Variants in RASA1 observed in about 807,000 individuals in gnomAD.
The protein encoded by RASA1 is RAS p21 protein activator 1.
RASA1 carries 25 observed loss-of-function variants against 132.2 expected under a neutral mutation model. The ratio of observed to expected loss-of-function variants is 0.19; its 90% confidence interval spans 0.14 to 0.26. The LOEUF (loss-of-function observed/expected upper bound fraction) is 0.26. Among genes scored for constraint, RASA1 ranks in the 10% least tolerant of loss-of-function variants. The pLI is 1.00. For missense variants in RASA1, 964 were observed against 1,299.2 expected, an observed-to-expected ratio of 0.74 and a Z score of 3.97; for synonymous variants, 477 against 449.9, an observed-to-expected ratio of 1.06 and a Z score of -0.76.
intron 23 of RASA1, among the ~76,000 whole-genome samples, chr5:87,388,683 A>G (rs1762239015): frequency 6.6e-6 from 1 of 152,250 alleles, no homozygotes; most frequent in African/African-American, 2.4e-5. Flanking sequence ...CACATTAGCA[A>G]GTATTCTGAG....
intron 7 of RASA1, among the ~76,000 whole-genome samples, chr5:87,347,379 G>T (rs1000119777): frequency 3.3e-5 from 5 of 151,896 alleles, no homozygotes; most frequent in Non-Finnish European, 7.4e-5. Context: ...TAACCATCCT[G>T]TCATTGTTTA....
chr5:87,351,715 T>C (rs2112428196), intron 8 of RASA1, among the ~76,000 whole-genome samples: 1 of 151,824 alleles, frequency 6.6e-6, no homozygotes, highest in East Asian at 1.9e-4. Context: ...CTGCGTAGAG[T>C]ATAAATGGAA....
chr5:87,351,740 A>C (rs1205540243), intron 8 of RASA1, among the ~76,000 whole-genome samples: 1 of 151,760 alleles, frequency 6.6e-6, no homozygotes, highest in Non-Finnish European at 1.5e-5. Flanking sequence ...AATTTTTAAA[A>C]AAACTCTTAA....
intron 1 of RASA1, among the ~76,000 whole-genome samples, chr5:87,281,365 C>T (rs1487626152): frequency 6.6e-6 from 1 of 151,632 alleles, no homozygotes; most frequent in Non-Finnish European, 1.5e-5. Context: ...ATCTCCGCCT[C>T]CTGAGTTCAA....
chr5:87,268,388 C>T lies in RASA1; in HGVS notation c.-64C>T, dbSNP rs1321952612. 8.2e-6 allele frequency: 12 copies of T among 1,462,368 alleles called. No homozygotes were observed. Among genetic ancestry groups the T allele is most frequent in the Non-Finnish European group, 9.9e-6 (11 of 1,105,538 alleles). 90.6% of individuals were successfully genotyped at this position (1,462,368 alleles called of 1,614,324 possible). On this transcript the variant is annotated 5_prime_UTR_variant, in exon 1 of 25. Transcript: ENST00000274376. The stretch of plus-strand genomic sequence containing the variant: ...CGTCTGGGTGGGGCTGCTCGGAGCC[C>T]GGGCCTGGTGGCCCCTGGGGCTCCC...
rs1448460486 is a variant in RASA1 at position 87,371,932 on chromosome 5, TTGTTATTGTTA to T, written c.1699-173_1699-163del. Among the ~76,000 whole-genome samples, 8 of 151,774 alleles carry T rather than the reference TTGTTATTGTTA, an allele frequency of 5.3e-5. No homozygotes were observed. The East Asian group carries it at 5.9e-4, about 11-fold the overall frequency. On this transcript the variant is annotated intron_variant, in intron 12 of 24. Transcript: ENST00000274376. ...TACAATTGTTTTGGTTGTTTTATTA[TTGTTATTGTTA>T]TGTTATTGTTATTTTATTATTGGTT...
intron 1 of RASA1, among the ~76,000 whole-genome samples, chr5:87,283,151 T>G (rs76304530): frequency 6.6e-6 from 1 of 150,856 alleles, no homozygotes; most frequent in Non-Finnish European, 1.5e-5. Context: ...TTTTTGTGTT[T>G]TTTTTTTTTT....
chr5:87,357,603 G>GC (rs1759748399), intron 9 of RASA1, among the ~76,000 whole-genome samples: 1 of 152,150 alleles, frequency 6.6e-6, no homozygotes, highest in Non-Finnish European at 1.5e-5. Flanking sequence ...TACTCTGGAG[G>GC]CTGAGGCAGG....
Position 87,268,510 on chromosome 5 carries a change from G to T in RASA1, c.59G>T (p.Gly20Val). The T allele has an allele frequency of 6.4e-7, 1 of 1,574,096 alleles. No individual in the cohort carries two copies. Among genetic ancestry groups the T allele is most frequent in the East Asian group, 2.3e-5 (1 of 43,304 alleles). Residue 20 changes from glycine (G) to valine (V), a missense_variant, in exon 1 of 25, where the codon GGA (glycine) becomes GTA (valine). Around this residue, in one of 6 missense-constraint regions of RASA1, gnomAD observed 326 missense variants for 275.8 expected, o/e 1.18. Coordinates refer to ENST00000274376, the MANE Select transcript of RASA1 (RefSeq NM_002890.3). ...GGCCCGGTAACAGCCGGAGCTGGAG[G>T]AGGCGGCGCGGCAGCGGGCTCCAGT... ...EGGPVTAGAG[G>V]GGAAAGSSAY...
rs547267584 is a variant in RASA1, at chr5:87,386,690, A to G, written c.2848-136A>G. 1.2e-4 allele frequency: 84 copies of G among 718,886 alleles called. No homozygotes were observed. The African/African-American group carries it at 1.3e-3, about 11-fold the overall frequency. The allele number at this position is 718,886 out of a possible 1,614,324, so 44.5% of individuals were successfully genotyped here. On this transcript the variant is annotated intron_variant, in intron 22 of 24. Transcript: ENST00000274376. The stretch of plus-strand genomic sequence containing the variant: ...ATTTATAAGAAGTATTGCTACATGT[A>G]TGGGTTTTGCTATATTAATTTGGTG...
intron 1 of RASA1, among the ~76,000 whole-genome samples, chr5:87,302,610 A>G (rs998240188): frequency 6.6e-6 from 1 of 151,522 alleles, no homozygotes. Context: ...ACTGTATAGT[A>G]TAGTATACTA....
intron 6 of RASA1, among the ~76,000 whole-genome samples, chr5:87,345,274 T>C (rs931179343): frequency 2.0e-5 from 3 of 152,226 alleles, no homozygotes; most frequent in African/African-American, 7.2e-5. Flanking sequence ...TAGAAAGAGA[T>C]ATTGCCACTT....
At chr5:87,305,138 A>C (rs1755550899) in intron 1 of RASA1, among the ~76,000 whole-genome samples, 1 of 151,732 alleles carries the variant, frequency 6.6e-6, no homozygotes, top group Non-Finnish European at 1.5e-5. Context: ...AGTTAGCAAA[A>C]ATTTTTTATC....
At chr5:87,294,680 TATTTC>T (rs1755044833) in intron 1 of RASA1, among the ~76,000 whole-genome samples, 1 of 152,246 alleles carries the variant, frequency 6.6e-6, no homozygotes, top group Non-Finnish European at 1.5e-5. Context: ...TTTTGTTATT[TATTTC>T]TAGTTTAATT....
rs562416504 is a variant in RASA1 at position 87,286,044 on chromosome 5, C to A, written c.539+17054C>A. Among the ~76,000 whole-genome samples the A allele has an allele frequency of 2.0e-5, 3 of 152,034 alleles. 1 individual carries two copies. The South Asian group carries it at 6.2e-4, about 32-fold the overall frequency. On this transcript the variant is annotated intron_variant, in intron 1 of 24. Transcript: ENST00000274376. ...TTGTGATGGAGTTTCGCTCTGTAGC[C>A]CAGGCTGGAGTGCAGTGGCATGATC... is the stretch of plus-strand genomic sequence containing the variant.
At chr5:87,282,454 A>G (rs1018019600) in intron 1 of RASA1, among the ~76,000 whole-genome samples, 2 of 152,172 alleles carry the variant, frequency 1.3e-5, no homozygotes, top group Admixed American at 6.5e-5. Flanking sequence ...GTGTTCCCCT[A>G]TAAGGTAATG....
intron 1 of RASA1, among the ~76,000 whole-genome samples, chr5:87,307,416 G>T (rs773562541): frequency 6.6e-6 from 1 of 152,038 alleles, no homozygotes; most frequent in Non-Finnish European, 1.5e-5. Context: ...AGCCGAGATC[G>T]TGCCACTGCA....
rs1471293784 is a variant in RASA1, at chr5:87,287,539, TATATACACACCATATATATACACCATAC to T, written c.539+18586_539+18613del. Among the ~76,000 whole-genome samples the T allele has an allele frequency of 8.7e-3, 1,288 of 148,072 alleles. 11 individuals carry two copies. The highest frequency in any genetic ancestry group is 0.031 in the Middle Eastern group (8 of 256). ...CCATATATATACCATATATATACCA[TATATACACACCATATATATACACCATAC>T]ATATACACACCATATATATACACCA... On this transcript the variant is annotated intron_variant, in intron 1 of 24. Transcript: ENST00000274376.
At chr5:87,387,254 G>A (rs1037950338) in intron 23 of RASA1, among the ~76,000 whole-genome samples, 2 of 151,974 alleles carry the variant, frequency 1.3e-5, no homozygotes, top group African/African-American at 4.8e-5. Flanking sequence ...GCTACTATGT[G>A]GGGCGTGAAG....
Sources: gnomAD v4.1 joint callset for allele counts (sites outside exome capture counted in the v4.1 genomes callset) on GRCh38, gnomAD v4.1.1 for gene constraint, gnomAD v4.1.1 regional missense constraint, MANE v1.5 for transcripts, NCBI Gene and HGNC (gene_info 2026-07-23, HGNC 2026-07-21) for gene names.